NELL1: variants seen among roughly 807,000 people sequenced by gnomAD.
The protein encoded by NELL1 is protein kinase C-binding protein NELL1.
NELL1 carries 76 observed loss-of-function variants against 107.4 expected under a neutral mutation model. The ratio of observed to expected loss-of-function variants is 0.71; its 90% CI spans 0.59 to 0.86. The LOEUF (loss-of-function observed/expected upper bound fraction) is 0.86. Among genes scored for constraint, NELL1 ranks in the 40% least tolerant of loss-of-function variants. The probability of loss-of-function intolerance (pLI) is 0.00; values close to 1 mark genes in which losing one functional copy is unlikely to be tolerated. For missense variants in NELL1, 1,024 were observed against 1,005.5 expected (o/e 1.02, Z -0.25); for synonymous variants, 353 against 341.2 (o/e 1.03, Z -0.38).
rs200998485 is a variant in NELL1 at position 21,477,880 on chromosome 11, TATA to T, written c.1646-56489_1646-56487del. The stretch of plus-strand genomic sequence containing the variant: ...AAGTTATTTATAATAATAAATAAAT[TATA>T]ATAAATAAAATTATAAAAATTATAA... On this transcript the variant is annotated intron_variant, in intron 15 of 19. Coordinates refer to ENST00000357134, the MANE Select transcript of NELL1 (RefSeq NM_006157.5). Among the ~76,000 whole-genome samples, 451 of 145,712 alleles carry T rather than the reference TATA, an allele frequency of 3.1e-3. 14 individuals carry two copies. The highest frequency in any genetic ancestry group is 0.026 in the Admixed American group (380 of 14,360).
At chr11:21,114,451 G>A (rs1194779637) in intron 13 of NELL1, among the ~76,000 whole-genome samples, 1 of 151,972 alleles carries the variant, frequency 6.6e-6, no homozygotes, top group East Asian at 1.9e-4. Flanking sequence ...TTTCAATCAT[G>A]TTGTAACTTT....
At chr11:20,708,531 T>C (rs575739402) in intron 2 of NELL1, among the ~76,000 whole-genome samples, 2 of 152,312 alleles carry the variant, frequency 1.3e-5, no homozygotes, top group South Asian at 2.1e-4. Context: ...CTTTTGAGAA[T>C]TGTCTATTCA....
intron 12 of NELL1, among the ~76,000 whole-genome samples, chr11:21,006,112 C>T (rs1468757873): frequency 6.6e-6 from 1 of 151,862 alleles, no homozygotes; most frequent in African/African-American, 2.4e-5. Flanking sequence ...ATGAGATCTG[C>T]TATGGTTTGA....
chr11:21,548,004 T>A (rs1169870197), intron 16 of NELL1, among the ~76,000 whole-genome samples: 1 of 151,788 alleles, frequency 6.6e-6, no homozygotes, highest in Non-Finnish European at 1.5e-5. Flanking sequence ...ATGGCGCAAC[T>A]GAAACTGGAT....
chr11:21,559,400 G>A (rs767384900), intron 16 of NELL1, among the ~76,000 whole-genome samples: 1 of 152,076 alleles, frequency 6.6e-6, no homozygotes. Context: ...TTAAGCCAGG[G>A]TTGGACAGGT....
chr11:20,973,261 A>C (rs530430683), intron 12 of NELL1, among the ~76,000 whole-genome samples: 4 of 151,708 alleles, frequency 2.6e-5, no homozygotes, highest in African/African-American at 9.7e-5. Flanking sequence ...GGCATGCACC[A>C]CCACCCCTGG....
intron 16 of NELL1, among the ~76,000 whole-genome samples, chr11:21,557,941 A>G (rs1856761524): frequency 6.6e-6 from 1 of 152,020 alleles, no homozygotes; most frequent in African/African-American, 2.4e-5. Context: ...TCTGCCCTCA[A>G]TGAGCTCACT....
At chr11:21,142,085 TCTCTC>T (rs764075001) in intron 13 of NELL1, among the ~76,000 whole-genome samples, 69 of 152,224 alleles carry the variant, frequency 4.5e-4, no homozygotes, top group Non-Finnish European at 8.8e-4. Flanking sequence ...TTTCTGTATC[TCTCTC>T]CTATCAATCT....
chr11:21,070,426 C>T (rs975448296), intron 12 of NELL1, among the ~76,000 whole-genome samples: 2 of 152,054 alleles, frequency 1.3e-5, no homozygotes, highest in Non-Finnish European at 2.9e-5. Flanking sequence ...AGGTTGGCTT[C>T]TCAGAGACTA....
chr11:20,746,514 C>T (rs1382414089), intron 2 of NELL1, among the ~76,000 whole-genome samples: 1 of 150,842 alleles, frequency 6.6e-6, no homozygotes, highest in Non-Finnish European at 1.5e-5. Flanking sequence ...GCATACAGAG[C>T]CACTTAATAG....
chr11:21,396,786 G>T (rs1285305027), intron 15 of NELL1, among the ~76,000 whole-genome samples: 2 of 151,494 alleles, frequency 1.3e-5, no homozygotes, highest in African/African-American at 2.4e-5. Context: ...ATTAAGGAAT[G>T]ATTTAGACAT....
At chr11:21,014,228 G>A (rs1023228028) in intron 12 of NELL1, among the ~76,000 whole-genome samples, 5 of 152,060 alleles carry the variant, frequency 3.3e-5, no homozygotes, top group African/African-American at 1.2e-4. Flanking sequence ...TACTGCCTTT[G>A]ACTATGACTC....
intron 12 of NELL1, among the ~76,000 whole-genome samples, chr11:20,967,276 T>C (rs963364610): frequency 1.3e-5 from 2 of 152,144 alleles, no homozygotes; most frequent in South Asian, 2.1e-4. Context: ...AGAGATTGTA[T>C]AGGAGAAATG....
chr11:20,765,406 C>T (rs947339425), intron 2 of NELL1, among the ~76,000 whole-genome samples: 2 of 152,182 alleles, frequency 1.3e-5, no homozygotes, highest in African/African-American at 4.8e-5. Flanking sequence ...TGGCACCAGA[C>T]ACCACAGCAC....
intron 1 of NELL1, chr11:20,674,477 A>T: frequency 6.5e-7 from 1 of 1,535,598 alleles, no homozygotes; most frequent in Non-Finnish European, 8.7e-7. Flanking sequence ...CAAAACATGA[A>T]ATTTCCTACA....
rs1428901848 is a variant in NELL1, at chr11:21,226,119, T to C, written c.1427-3213T>C. Among the ~76,000 whole-genome samples, 4 of 151,176 alleles carry C rather than the reference T, an allele frequency of 2.6e-5. No individual in the cohort carries two copies. The East Asian group carries it at 5.8e-4, about 22-fold the overall frequency. On this transcript the variant is annotated intron_variant, in intron 13 of 19. Transcript: ENST00000357134. The stretch of plus-strand genomic sequence containing the variant: ...ATGTGATATTTATAGAAGAAAATGG[T>C]ATTTTCTTTGGCTGTCTCTATTAAA...
At chr11:20,936,584 T>C (rs1369994758) in intron 9 of NELL1, among the ~76,000 whole-genome samples, 1 of 152,232 alleles carries the variant, frequency 6.6e-6, no homozygotes, top group African/African-American at 2.4e-5. Flanking sequence ...CTAGGTTCTT[T>C]ATCTGCAAAC....
At chr11:20,986,955 A>G (rs1851866333) in intron 12 of NELL1, among the ~76,000 whole-genome samples, 1 of 152,224 alleles carries the variant, frequency 6.6e-6, no homozygotes, top group Non-Finnish European at 1.5e-5. Context: ...AATATTTGTT[A>G]TTATTTAACT....
At chr11:21,574,925 T>G (rs1383784386) in intron 19 of NELL1, 47 bp from the exon 20 acceptor site, 5 of 1,547,574 alleles carry the variant, frequency 3.2e-6, no homozygotes, top group Non-Finnish European at 4.5e-6. Context: ...ACTGCTAATT[T>G]ATATTCCATG....
Sources: gnomAD v4.1 joint callset for allele counts (sites outside exome capture counted in the v4.1 genomes callset) on GRCh38, gnomAD v4.1.1 for gene constraint, MANE v1.5 for transcripts, NCBI Gene and HGNC (gene_info 2026-07-23, HGNC 2026-07-21) for gene names.